DPP6: variants seen among roughly 807,000 people sequenced by gnomAD.
DPP6 encodes the protein dipeptidyl peptidase like 6, also known as A-type potassium channel modulatory protein DPP6.
In DPP6, 69 loss-of-function variants were observed where a neutral mutation model predicts 122.6. That is an observed-to-expected ratio of 0.56 (90% CI 0.46 to 0.69). DPP6 has a LOEUF of 0.69. Ranked by LOEUF, DPP6 falls within the 30% of genes least tolerant of loss-of-function variation. The probability of loss-of-function intolerance (pLI) is 0.00; values close to 1 mark genes in which losing one functional copy is unlikely to be tolerated. For synonymous variants in DPP6, 418 were observed against 433.1 expected, an observed-to-expected ratio of 0.97 and a Z score of 0.43; for missense variants, 928 against 1,116.9, an observed-to-expected ratio of 0.83 and a Z score of 2.41.
intron 1 of DPP6, among the ~76,000 whole-genome samples, chr7:154,281,835 C>G (rs1804534106): frequency 6.6e-6 from 1 of 152,176 alleles, no homozygotes; most frequent in Non-Finnish European, 1.5e-5. Context: ...TGAACTTTCT[C>G]TGATGCAGTA....
intron 16 of DPP6, among the ~76,000 whole-genome samples, chr7:154,834,512 A>T (rs1321051670): frequency 6.6e-6 from 1 of 151,276 alleles, no homozygotes; most frequent in African/African-American, 2.4e-5. Flanking sequence ...AACAAAAAAA[A>T]CCAGCTCCCA....
the DPP6 span, among the ~76,000 whole-genome samples, chr7:153,819,048 CCTTT>C: frequency 1.6e-5 from 1 of 64,384 alleles, no homozygotes; most frequent in Admixed American, 1.3e-4. Context: ...CCGCGCCTGG[CCTTT>C]TTTTTTTTTT....
intron 6 of DPP6, among the ~76,000 whole-genome samples, chr7:154,655,597 C>T (rs1272670959): frequency 6.6e-6 from 1 of 152,198 alleles, no homozygotes. Flanking sequence ...TTTCTCTCTG[C>T]CTGTCTTCCT....
At chr7:154,028,085 G>C (rs561650980) in intron 1 of DPP6, among the ~76,000 whole-genome samples, 1 of 151,742 alleles carries the variant, frequency 6.6e-6, no homozygotes, top group African/African-American at 2.4e-5. Context: ...GGCTGCCCAG[G>C]TGCCCAGGCG....
intron 1 of DPP6, among the ~76,000 whole-genome samples, chr7:153,890,119 C>G (rs979809811): frequency 1.3e-5 from 2 of 152,176 alleles, no homozygotes; most frequent in East Asian, 1.9e-4. Context: ...ATGATTTACT[C>G]CTATTACTGA....
intron 2 of DPP6, among the ~76,000 whole-genome samples, chr7:154,458,326 C>T (rs1820980623): frequency 6.6e-6 from 1 of 152,186 alleles, no homozygotes; most frequent in East Asian, 1.9e-4. Flanking sequence ...GCCCTCTTGC[C>T]TGCTGCCATG....
intron 7 of DPP6, among the ~76,000 whole-genome samples, chr7:154,680,571 G>C (rs1328607132): frequency 6.6e-6 from 1 of 152,212 alleles, no homozygotes; most frequent in African/African-American, 2.4e-5. Context: ...TGGTATGTTG[G>C]CATATGGAAA....
At chr7:154,534,228 A>T (rs1365968421) in intron 3 of DPP6, among the ~76,000 whole-genome samples, 5 of 151,992 alleles carry the variant, frequency 3.3e-5, no homozygotes, top group Non-Finnish European at 7.4e-5. Flanking sequence ...ATAGAAGGGA[A>T]CTTCCTCACT....
chr7:154,343,184 A>G (rs926922269), intron 1 of DPP6, among the ~76,000 whole-genome samples: 3 of 152,182 alleles, frequency 2.0e-5, no homozygotes, highest in African/African-American at 7.2e-5. Flanking sequence ...TTGTGTCATT[A>G]CCTCATTTAC....
intron 1 of DPP6, among the ~76,000 whole-genome samples, chr7:154,239,636 A>G (rs1261913595): frequency 6.6e-6 from 1 of 152,168 alleles, no homozygotes; most frequent in Non-Finnish European, 1.5e-5. Flanking sequence ...GCTTCCTGTC[A>G]GCAGTAGGCT....
intron 8 of DPP6, among the ~76,000 whole-genome samples, chr7:154,761,337 G>A (rs142476266): frequency 3.3e-5 from 5 of 152,322 alleles, no homozygotes; most frequent in African/African-American, 9.6e-5. Flanking sequence ...GGCCTGCTCT[G>A]TGTCAGCCAG....
chr7:154,174,876 TTC>T lies in DPP6; in HGVS notation c.243+121815_243+121816del, dbSNP rs759985844. Among the ~76,000 whole-genome samples the T allele has an allele frequency of 1.1e-4, 16 of 148,742 alleles. 2 individuals carry two copies. The highest frequency in any genetic ancestry group is 1.3e-4 in the Non-Finnish European group (9 of 67,002). ...TTCACAGCCCAATTTCTTTCTTTCT[TTC>T]TTTTTTTTTTTGTTTTGAGATGGAG... On this transcript the variant is annotated intron_variant, in intron 1 of 25. Coordinates refer to ENST00000377770, the MANE Select transcript of DPP6 (RefSeq NM_130797.4).
chr7:154,675,638 GA>G (rs1214379768), intron 7 of DPP6, among the ~76,000 whole-genome samples: 1 of 152,138 alleles, frequency 6.6e-6, no homozygotes, highest in Non-Finnish European at 1.5e-5. Flanking sequence ...CTGTGTTCTG[GA>G]TACTGCCTGA....
rs765256933 is a variant in DPP6, at chr7:153,924,780, TG to T, written c.51+37047del. The stretch of plus-strand genomic sequence containing the variant: ...GAGTCCCAGGTGTTGCAGGACGTTG[TG>T]TGTGCCCACAAGCCAGGCTACATGG... On this transcript the variant is annotated intron_variant, in intron 1 of 25. Coordinates refer to the DPP6 transcript ENST00000404039. Among the ~76,000 whole-genome samples, 5 of 152,280 alleles carry T rather than the reference TG, an allele frequency of 3.3e-5. No homozygotes were observed. In the East Asian group the frequency reaches 5.8e-4, roughly 18 times the overall value.
In DPP6 at chr7:154,299,217, G is replaced by A. The variant is rs568673188; in HGVS notation, c.244-146997G>A. 2.6e-5 allele frequency among the ~76,000 whole-genome samples: 4 copies of A among 152,292 alleles called. No individual in the cohort carries two copies. In the South Asian group the frequency reaches 8.3e-4, roughly 32 times the overall value. ...CCCCTCAAAGGGGTGCTGGCGTTGG[G>A]TTGCCCACGGCTCCTTGCCCCGGTG... On this transcript the variant is annotated intron_variant, in intron 1 of 25. Transcript: ENST00000377770.
At chr7:154,425,617 T>TGGGTGC (rs1401953709) in intron 1 of DPP6, among the ~76,000 whole-genome samples, 4 of 121,670 alleles carry the variant, frequency 3.3e-5, no homozygotes, top group Non-Finnish European at 7.2e-5. Flanking sequence ...TGTGTGTGTG[T>TGGGTGC]GTGGGTGTGT....
chr7:154,271,192 G>A (rs951940715), intron 1 of DPP6, among the ~76,000 whole-genome samples: 3 of 152,104 alleles, frequency 2.0e-5, no homozygotes, highest in Non-Finnish European at 4.4e-5. Context: ...ACTGACTATT[G>A]TCCATTTATT....
At chr7:154,430,854 G>T (rs971056939) in intron 1 of DPP6, among the ~76,000 whole-genome samples, 2 of 151,180 alleles carry the variant, frequency 1.3e-5, no homozygotes, top group African/African-American at 2.5e-5. Flanking sequence ...CTGGCACATG[G>T]TGGAGGCAAA....
In DPP6 at chr7:154,631,272, T is replaced by G. The variant is rs151196551; in HGVS notation, c.628-6549T>G. ...AGGAGAGAAAGGTGAAGAGCCTGGA[T>G]GGAGGGGCAGGAGGCGAAGGAGAGC... On this transcript the variant is annotated intron_variant, in intron 5 of 25. Coordinates refer to ENST00000377770, the MANE Select transcript of DPP6 (RefSeq NM_130797.4). 4.6e-3 allele frequency among the ~76,000 whole-genome samples: 705 copies of G among 152,116 alleles called. 6 individuals carry two copies. The highest frequency in any genetic ancestry group is 0.01 in the Middle Eastern group (3 of 294).
Sources: allele counts gnomAD v4.1 joint callset (sites outside exome capture counted in the v4.1 genomes callset), GRCh38; gene constraint gnomAD v4.1.1; transcripts MANE v1.5; gene names NCBI Gene and HGNC (gene_info 2026-07-23, HGNC 2026-07-21).